Variants in DCAF6 observed in about 807,000 individuals in gnomAD.
DCAF6 encodes DDB1 and CUL4 associated factor 6.
DCAF6 carries 54 observed loss-of-function variants against 125.1 expected under a neutral mutation model. The ratio of observed to expected loss-of-function variants is 0.43; its 90% CI spans 0.35 to 0.54. The LOEUF is 0.54. Among genes scored for constraint, DCAF6 ranks in the 20% least tolerant of loss-of-function variants. The pLI is 0.01. For missense variants in DCAF6, 934 were observed against 1,161.7 expected, an observed-to-expected ratio of 0.80 and a Z score of 2.85; for synonymous variants, 371 against 390.4, an observed-to-expected ratio of 0.95 and a Z score of 0.58.
At chr1:167,955,237 T>A (rs1356687988) in intron 2 of DCAF6, among the ~76,000 whole-genome samples, 1 of 152,254 alleles carries the variant, frequency 6.6e-6, no homozygotes, top group African/African-American at 2.4e-5. Flanking sequence ...GCCATGAATA[T>A]TCGTGTTGCG....
chr1:167,890,161 T>C, the DCAF6 span, among the ~76,000 whole-genome samples: 7 of 152,226 alleles, frequency 4.6e-5, no homozygotes, highest in Admixed American at 3.9e-4. Context: ...GTATTTATTG[T>C]AGTCTTTGAC....
upstream of DCAF6, chr1:167,936,152 T>G: frequency 3.0e-6 from 1 of 328,440 alleles, no homozygotes. Flanking sequence ...CGCTGCGCCC[T>G]GCTGGCAGCG....
At chr1:167,960,296 T>A (rs1675381080) in intron 2 of DCAF6, among the ~76,000 whole-genome samples, 2 of 151,830 alleles carry the variant, frequency 1.3e-5, no homozygotes, top group Admixed American at 1.3e-4. Flanking sequence ...TATTATTATT[T>A]ATTTATTTAT....
chr1:167,920,658 A>C, the DCAF6 span: 1 of 1,594,224 alleles, frequency 6.3e-7, no homozygotes. Flanking sequence ...AGAAAGAAAA[A>C]AAGTATCACA....
At chr1:168,068,796 CAG>C (rs1692685444) in intron 21 of DCAF6, among the ~76,000 whole-genome samples, 1 of 152,038 alleles carries the variant, frequency 6.6e-6, no homozygotes, top group Non-Finnish European at 1.5e-5. Context: ...ATAGCCCAAA[CAG>C]AAATAAATGT....
chr1:167,899,609 G>T, the DCAF6 span: 1 of 1,613,872 alleles, frequency 6.2e-7, no homozygotes, highest in African/African-American at 1.3e-5. Context: ...CCAACATGCT[G>T]ATGTGGCCAG....
chr1:168,028,599 GCTGA>G (rs1449337855), intron 12 of DCAF6, among the ~76,000 whole-genome samples: 1 of 152,128 alleles, frequency 6.6e-6, no homozygotes, highest in Non-Finnish European at 1.5e-5. Context: ...TTTTATATAA[GCTGA>G]CTGTCTTTGA....
the DCAF6 span, among the ~76,000 whole-genome samples, chr1:167,892,066 T>C: frequency 6.6e-6 from 1 of 151,904 alleles, no homozygotes; most frequent in African/African-American, 2.4e-5. Flanking sequence ...CTCCGTCTCC[T>C]TGCTCAAGTG....
At chr1:167,873,027 G>A in the DCAF6 span, among the ~76,000 whole-genome samples, 3 of 151,768 alleles carry the variant, frequency 2.0e-5, no homozygotes, top group East Asian at 1.9e-4. Flanking sequence ...CTGAGATCGC[G>A]CCACTGCACT....
At chr1:167,886,678 A>G in the DCAF6 span, among the ~76,000 whole-genome samples, 1 of 152,336 alleles carries the variant, frequency 6.6e-6, no homozygotes, top group East Asian at 1.9e-4. Context: ...AATGGCAACA[A>G]AAACCAAAAT....
chr1:167,913,424 T>G, the DCAF6 span, among the ~76,000 whole-genome samples: 35 of 152,358 alleles, frequency 2.3e-4, no homozygotes, highest in African/African-American at 7.7e-4. Flanking sequence ...TACTCTGAAC[T>G]TAAAGGCACA....
intron 12 of DCAF6, among the ~76,000 whole-genome samples, chr1:168,029,190 A>G (rs566571213): frequency 1.3e-5 from 2 of 152,302 alleles, no homozygotes; most frequent in South Asian, 4.1e-4. Flanking sequence ...TTAACTTAGA[A>G]TTGTCTTATC....
the DCAF6 span, among the ~76,000 whole-genome samples, chr1:167,927,322 G>A: frequency 1.3e-5 from 2 of 152,166 alleles, no homozygotes; most frequent in Admixed American, 6.5e-5. Flanking sequence ...AATCCTATAA[G>A]TCAGTCTTCT....
At chr1:168,056,440 G>C in intron 17 of DCAF6, 1 of 1,261,974 alleles carries the variant, frequency 7.9e-7, no homozygotes, top group South Asian at 1.5e-5. Flanking sequence ...GGGGTGCGGG[G>C]GTCGCAGCGC....
upstream of DCAF6, among the ~76,000 whole-genome samples, chr1:167,933,880 T>G (rs901784643): frequency 7.9e-5 from 12 of 152,164 alleles, no homozygotes; most frequent in African/African-American, 2.9e-4. Context: ...TTATTGAGAG[T>G]CTAAGTGCAA....
chr1:167,992,833 C>T (rs907754837), intron 6 of DCAF6, among the ~76,000 whole-genome samples: 1 of 152,136 alleles, frequency 6.6e-6, no homozygotes, highest in Non-Finnish European at 1.5e-5. Flanking sequence ...ATATTGCATA[C>T]GTTGCATACT....
At chr1:168,050,957 A>ATTTT in intron 17 of DCAF6, 24 bp downstream of exon 17, 1 of 1,238,378 alleles carries the variant, frequency 8.1e-7, no homozygotes, top group South Asian at 2.1e-5. Context: ...TTCCTTCATA[A>ATTTT]TTTTTTTTTT....
At chr1:167,989,260 T>C (rs1680482237) in intron 5 of DCAF6, among the ~76,000 whole-genome samples, 1 of 152,200 alleles carries the variant, frequency 6.6e-6, no homozygotes, top group Non-Finnish European at 1.5e-5. Context: ...AAGTGGTGGG[T>C]ACTAAATTTT....
At chr1:167,980,188 ATAAATAAATAAG>A (rs1678893685) in intron 4 of DCAF6, among the ~76,000 whole-genome samples, 2 of 152,204 alleles carry the variant, frequency 1.3e-5, no homozygotes, top group South Asian at 2.1e-4. Flanking sequence ...TCAGAAATAA[ATAAATAAATAAG>A]TAAATAAATA....
Sources: gnomAD v4.1 joint callset for allele counts (sites outside exome capture counted in the v4.1 genomes callset) on GRCh38, gnomAD v4.1.1 for gene constraint, MANE v1.5 for transcripts, NCBI Gene and HGNC (gene_info 2026-07-23, HGNC 2026-07-21) for gene names.